The following TCF7L1 variants were observed in gnomAD, a reference collection of about 807,000 sequenced individuals.
TCF7L1 encodes transcription factor 7-like 1.
In TCF7L1, 18 loss-of-function variants were observed where a neutral mutation model predicts 63.7. That is an observed-to-expected ratio of 0.28 (90% CI 0.20 to 0.42). TCF7L1 has a LOEUF of 0.42. TCF7L1 is among the 10% of genes least tolerant of loss of function. TCF7L1 has a pLI of 1.00. For missense variants in TCF7L1, 654 were observed against 779.3 expected, an observed-to-expected ratio of 0.84 and a Z score of 1.91; for synonymous variants, 355 against 340.9, an observed-to-expected ratio of 1.04 and a Z score of -0.46.
At chr2:85,291,379 A>G (rs924944382) in intron 4 of TCF7L1, among the ~76,000 whole-genome samples, 13 of 152,332 alleles carry the variant, frequency 8.5e-5, no homozygotes, top group Middle Eastern at 3.4e-3. Flanking sequence ...CACAAGTTCT[A>G]CCTTTCACAA....
At chr2:85,215,767 T>TGGGGGG (rs1380022989) in intron 3 of TCF7L1, among the ~76,000 whole-genome samples, 4 of 15,290 alleles carry the variant, frequency 2.6e-4, no homozygotes, top group Non-Finnish European at 4.1e-4. Context: ...GGGGTGGGGG[T>TGGGGGG]GGGGGGGGGT....
intron 3 of TCF7L1, among the ~76,000 whole-genome samples, chr2:85,178,082 G>A (rs1433477101): frequency 1.3e-5 from 2 of 152,170 alleles, no homozygotes; most frequent in African/African-American, 4.8e-5. Context: ...AAAAAGCAGG[G>A]ACCTTGCCAG....
At chr2:85,248,002 T>A (rs556046891) in intron 3 of TCF7L1, among the ~76,000 whole-genome samples, 1 of 152,302 alleles carries the variant, frequency 6.6e-6, no homozygotes, top group Non-Finnish European at 1.5e-5. Flanking sequence ...TTGTGGCCGG[T>A]AGTGTTCGGT....
chr2:85,137,881 A>G (rs2104180159), intron 3 of TCF7L1, among the ~76,000 whole-genome samples: 1 of 150,012 alleles, frequency 6.7e-6, no homozygotes, highest in Admixed American at 6.6e-5. Context: ...CAACAGAGTG[A>G]GACTCTGCCT....
intron 3 of TCF7L1, among the ~76,000 whole-genome samples, chr2:85,222,240 C>T (rs990181103): frequency 1.3e-5 from 2 of 151,796 alleles, no homozygotes; most frequent in South Asian, 2.1e-4. Flanking sequence ...ACTTGGGAGG[C>T]TGAGGCAGGA....
intron 3 of TCF7L1, among the ~76,000 whole-genome samples, chr2:85,157,709 C>T (rs762935647): frequency 9.8e-5 from 15 of 152,368 alleles, no homozygotes; most frequent in Non-Finnish European, 2.2e-4. Context: ...AGCTATTGAA[C>T]CCATGGGGTT....
chr2:85,251,827 T>A (rs1171389442), intron 3 of TCF7L1, among the ~76,000 whole-genome samples: 1 of 152,106 alleles, frequency 6.6e-6, no homozygotes, highest in African/African-American at 2.4e-5. Context: ...AATCCCAGTA[T>A]TTTGGGAGGC....
rs1467202491 is a variant in TCF7L1 at position 85,302,606 on chromosome 2, T to A, written c.648T>A (p.Asp216Glu). 1 of 1,376,790 alleles carries A rather than the reference T, an allele frequency of 7.3e-7. No homozygotes were observed. The highest frequency in any genetic ancestry group is 1.9e-5 in the Admixed American group (1 of 52,656). 85.3% of individuals were successfully genotyped at this position (1,376,790 alleles called of 1,614,324 possible). The change falls in exon 5 of 12, where the codon GAT becomes GAA. Residue 216 changes from aspartate (D) to glutamate (E), a missense_variant. Transcript: ENST00000282111. ...CCACCCACCTCTCCCCAGAGATCGATCCAAAGACAGGTAAGTCGTCTGCCA... is the reference window on the plus strand; with the variant it reads ...CCACCCACCTCTCCCCAGAGATCGAACCAAAGACAGGTAAGTCGTCTGCCA... Reference protein sequence around the residue: ...SPPTHLSPEIDPKTGIPRPPH... With the variant: ...SPPTHLSPEIEPKTGIPRPPH...
chr2:85,162,982 T>G (rs980545111), intron 3 of TCF7L1, among the ~76,000 whole-genome samples: 4 of 151,942 alleles, frequency 2.6e-5, no homozygotes, highest in African/African-American at 9.7e-5. Flanking sequence ...GAAACCAGAC[T>G]CCAGGCAGCC....
At chr2:85,169,234 T>G (rs1370589280) in intron 3 of TCF7L1, among the ~76,000 whole-genome samples, 3 of 151,982 alleles carry the variant, frequency 2.0e-5, no homozygotes, top group Non-Finnish European at 4.4e-5. Flanking sequence ...CTCTGAACCT[T>G]CCCCACTGAA....
At chr2:85,270,485 G>C (rs556855924) in intron 3 of TCF7L1, among the ~76,000 whole-genome samples, 3 of 152,292 alleles carry the variant, frequency 2.0e-5, no homozygotes, top group Admixed American at 6.5e-5. Context: ...GCGTAAATCA[G>C]AGAGAATAAA....
At chr2:85,204,851 G>A (rs1679364172) in intron 3 of TCF7L1, 1 of 151,028 alleles carries the variant, frequency 6.6e-6, no homozygotes, top group South Asian at 2.1e-4. Context: ...TTAATAAGCA[G>A]AGAAAATACT....
At chr2:85,223,358 G>T (rs1451115806) in intron 3 of TCF7L1, among the ~76,000 whole-genome samples, 2 of 152,198 alleles carry the variant, frequency 1.3e-5, no homozygotes, top group Admixed American at 6.5e-5. Flanking sequence ...ACCACACCTG[G>T]CCACAAAATA....
intron 3 of TCF7L1, among the ~76,000 whole-genome samples, chr2:85,174,632 G>A (rs970559230): frequency 9.9e-5 from 15 of 152,222 alleles, no homozygotes; most frequent in Non-Finnish European, 1.9e-4. Context: ...CAGTGTTCCT[G>A]TGTTTTGACT....
At chr2:85,258,341 C>T (rs564908180) in intron 3 of TCF7L1, among the ~76,000 whole-genome samples, 1 of 152,296 alleles carries the variant, frequency 6.6e-6, no homozygotes, top group Non-Finnish European at 1.5e-5. Flanking sequence ...AGAATGGGAT[C>T]CTGAGGCTTG....
intron 3 of TCF7L1, among the ~76,000 whole-genome samples, chr2:85,267,190 A>C (rs139272893): frequency 8.4e-4 from 127 of 151,794 alleles, no homozygotes; most frequent in African/African-American, 2.9e-3. Context: ...AAATACAAAA[A>C]TTAGCTGGGT....
chr2:85,203,110 C>T (rs1475814922), intron 3 of TCF7L1, among the ~76,000 whole-genome samples: 2 of 152,170 alleles, frequency 1.3e-5, no homozygotes, highest in Admixed American at 6.5e-5. Context: ...ACTGGGATTA[C>T]AGGCATGAGC....
At chr2:85,142,868 T>G (rs1353707219) in intron 3 of TCF7L1, among the ~76,000 whole-genome samples, 1 of 152,232 alleles carries the variant, frequency 6.6e-6, no homozygotes, top group African/African-American at 2.4e-5. Context: ...TCACAAGGTG[T>G]TAGCAATGCT....
intron 3 of TCF7L1, among the ~76,000 whole-genome samples, chr2:85,185,429 C>T (rs1247555543): frequency 6.6e-6 from 1 of 152,020 alleles, no homozygotes; most frequent in Admixed American, 6.6e-5. Flanking sequence ...AGCAACATCA[C>T]GTCTTACAGA....
Sources: gnomAD v4.1 joint callset for allele counts (sites outside exome capture counted in the v4.1 genomes callset) on GRCh38, gnomAD v4.1.1 for gene constraint, MANE v1.5 for transcripts, NCBI Gene and HGNC (gene_info 2026-07-23, HGNC 2026-07-21) for gene names.